Variants in SPATA3 observed in about 807,000 individuals in gnomAD.
SPATA3 encodes spermatogenesis-associated protein 3.
Under a neutral mutation model 5.7 loss-of-function variants are expected in SPATA3, and 6 were observed. That is an observed-to-expected ratio of 1.06 (90% CI 0.58 to 2.09). The LOEUF (loss-of-function observed/expected upper bound fraction) is 2.09, where lower values mean the gene tolerates loss of function less well. Among genes scored for constraint, SPATA3 ranks in the 30% most tolerant of loss-of-function variants. The pLI, the probability that SPATA3 is intolerant of heterozygous loss-of-function variation, is 0.00. For missense variants in SPATA3, 155 were observed against 130.4 expected (o/e 1.19, Z -0.92); for synonymous variants, 44 against 48.4 (o/e 0.91, Z 0.37).
downstream of SPATA3, among the ~76,000 whole-genome samples, chr2:231,008,961 C>T (rs1404519469): frequency 6.6e-6 from 1 of 152,098 alleles, no homozygotes; most frequent in Non-Finnish European, 1.5e-5. Context: ...TGTCTCCCCA[C>T]AGCAAACGGC....
At chr2:231,005,151 C>CCAT (rs1692517955), downstream of SPATA3, among the ~76,000 whole-genome samples, 1 of 67,604 alleles carries the variant, frequency 1.5e-5, no homozygotes. Context: ...ACCACCATCA[C>CCAT]CATCACCATC....
downstream of SPATA3, chr2:231,002,918 A>G: frequency 1.9e-6 from 1 of 520,426 alleles, no homozygotes; most frequent in East Asian, 3.4e-5. Flanking sequence ...CAGTGGAGTG[A>G]CTCCCTCCTG....
intron 6 of SPATA3, among the ~76,000 whole-genome samples, chr2:231,016,554 G>C (rs569472764): frequency 6.6e-6 from 1 of 151,808 alleles, no homozygotes; most frequent in African/African-American, 2.4e-5. Flanking sequence ...GTGTGGTGGC[G>C]GGCACCAATA....
rs183529679 is a variant in SPATA3, at chr2:231,002,637, A to T, written c.963-47A>T. 4.1e-4 allele frequency: 509 copies of T among 1,250,014 alleles called. 1 individual carries two copies. The highest frequency in any genetic ancestry group is 4.5e-4 in the Non-Finnish European group (418 of 922,858). 77.4% of individuals were successfully genotyped at this position (1,250,014 alleles called of 1,614,324 possible). ...CACTTTCTCCTGTTCGTAGAGAGGC[A>T]CTGAAGCCCAGCTTCCCACCACCCC... is the stretch of plus-strand genomic sequence containing the variant. On this transcript the variant is annotated intron_variant, in intron 2 of 2. Coordinates refer to ENST00000645363, the Ensembl canonical transcript of SPATA3.
chr2:231,018,969 C>CCT (rs367585184), intron 6 of SPATA3, among the ~76,000 whole-genome samples: 3 of 126,320 alleles, frequency 2.4e-5, no homozygotes, highest in African/African-American at 9.1e-5. Flanking sequence ...TTTTCTTTTT[C>CCT]TTTTTTTTTT....
At chr2:231,015,979 G>A (rs934804844) in intron 6 of SPATA3, among the ~76,000 whole-genome samples, 1 of 152,252 alleles carries the variant, frequency 6.6e-6, no homozygotes, top group African/African-American at 2.4e-5. Flanking sequence ...CAGCTGTGAA[G>A]TCCGGCTTGA....
intron 2 of SPATA3, 91 bp downstream of exon 2, chr2:231,000,628 C>T: frequency 1.6e-6 from 2 of 1,224,260 alleles, no homozygotes; most frequent in Admixed American, 7.2e-5. Flanking sequence ...TGTATCACTT[C>T]CTCTTGGGAA....
At chr2:231,018,416 C>T (rs1277856146) in intron 6 of SPATA3, among the ~76,000 whole-genome samples, 1 of 151,870 alleles carries the variant, frequency 6.6e-6, no homozygotes, top group Non-Finnish European at 1.5e-5. Context: ...ATTGCCACCT[C>T]CCCCGAGATG....
downstream of SPATA3, among the ~76,000 whole-genome samples, chr2:231,008,658 G>A (rs1692706146): frequency 6.6e-6 from 1 of 152,152 alleles, no homozygotes; most frequent in Non-Finnish European, 1.5e-5. Context: ...ATGGTGGAAG[G>A]GACTGGGGAC....
chr2:231,017,456 A>G (rs535637949), intron 6 of SPATA3, among the ~76,000 whole-genome samples: 63 of 152,320 alleles, frequency 4.1e-4, no homozygotes, highest in African/African-American at 1.5e-3. Context: ...CAAGAGTCCT[A>G]TAATTCACTC....
chr2:231,009,427 G>A (rs965464099), downstream of SPATA3, among the ~76,000 whole-genome samples: 7 of 152,222 alleles, frequency 4.6e-5, no homozygotes, highest in Admixed American at 4.6e-4. Flanking sequence ...AATGTGTGGG[G>A]CGCTGCTGGT....
downstream of SPATA3, among the ~76,000 whole-genome samples, chr2:231,005,741 C>T (rs1692601982): frequency 6.6e-6 from 1 of 152,010 alleles, no homozygotes; most frequent in South Asian, 2.1e-4. Context: ...CAACCATCAC[C>T]CTTGGAGGTA....
downstream of SPATA3, among the ~76,000 whole-genome samples, chr2:231,008,996 G>A (rs1248963632): frequency 6.6e-6 from 1 of 152,150 alleles, no homozygotes; most frequent in Non-Finnish European, 1.5e-5. Context: ...TAGGTCCTGT[G>A]TCCCTCCTGG....
At chr2:230,996,217 G>A in intron 1 of SPATA3, 1 of 1,545,744 alleles carries the variant, frequency 6.5e-7, no homozygotes, top group Non-Finnish European at 8.7e-7. Context: ...TCCACGTTTA[G>A]GTTGGGAGGA....
At chr2:231,005,448 TCACCACCAC>T (rs1363254856), downstream of SPATA3, among the ~76,000 whole-genome samples, 1 of 26,044 alleles carries the variant, frequency 3.8e-5, no homozygotes, top group African/African-American at 1.7e-4. Context: ...ATCACCACCA[TCACCACCAC>T]CACCACCACC....
intron 6 of SPATA3, among the ~76,000 whole-genome samples, chr2:231,015,752 C>T (rs1692918768): frequency 6.6e-6 from 1 of 152,224 alleles, no homozygotes; most frequent in African/African-American, 2.4e-5. Context: ...TTGCATTATT[C>T]ACAGGGAGCC....
At chr2:230,996,606 T>G in intron 1 of SPATA3, 72 bp downstream of exon 1, 3 of 1,504,650 alleles carry the variant, frequency 2.0e-6, no homozygotes, top group Non-Finnish European at 2.7e-6. Flanking sequence ...CAAAGGCTGG[T>G]TCTTGTAGGA....
intron 2 of SPATA3, among the ~76,000 whole-genome samples, chr2:231,002,468 C>T (rs1043064425): frequency 5.3e-5 from 8 of 152,134 alleles, no homozygotes; most frequent in Non-Finnish European, 1.0e-4. Context: ...AGCTAGCATC[C>T]CAGGCCAGCT....
chr2:231,002,800 A>G (rs1559195958), downstream of SPATA3: 6 of 1,467,178 alleles, frequency 4.1e-6, no homozygotes, highest in South Asian at 4.2e-5. Flanking sequence ...ATCCTTGTGA[A>G]CAAGCCCCTA....
Sources: gnomAD v4.1 joint callset for allele counts (sites outside exome capture counted in the v4.1 genomes callset) on GRCh38, gnomAD v4.1.1 for gene constraint, MANE v1.5 for transcripts, NCBI Gene and HGNC (gene_info 2026-07-23, HGNC 2026-07-21) for gene names.